The following ZBBX variants were observed in gnomAD, a reference collection of about 807,000 sequenced individuals.
ZBBX encodes the protein zinc finger B-box domain-containing protein 1.
A neutral mutation model predicts 108.5 loss-of-function variants in ZBBX; 101 were observed. The ratio of observed to expected loss-of-function variants is 0.93; its 90% CI spans 0.79 to 1.10. The LOEUF is 1.10. Among genes scored for constraint, ZBBX ranks in the 50% least tolerant of loss-of-function variants. The probability of loss-of-function intolerance (pLI) is 0.00; values close to 1 mark genes in which losing one functional copy is unlikely to be tolerated. For missense variants in ZBBX, 1,009 were observed against 941.4 expected (o/e 1.07, Z -0.94); for synonymous variants, 356 against 323.4 (o/e 1.10, Z -1.08).
chr3:167,208,189 T>C, the ZBBX span, among the ~76,000 whole-genome samples: 10 of 152,148 alleles, frequency 6.6e-5, no homozygotes, highest in African/African-American at 2.4e-4. Flanking sequence ...AGCCACTGTG[T>C]GTTAAAGTGC....
intron 20 of ZBBX, among the ~76,000 whole-genome samples, chr3:167,255,674 G>A (rs1487180001): frequency 6.6e-6 from 1 of 151,462 alleles, no homozygotes; most frequent in Non-Finnish European, 1.5e-5. Context: ...TTTAATTTTT[G>A]TGAGTACAAA....
At chr3:167,230,278 G>T in the ZBBX span, among the ~76,000 whole-genome samples, 7 of 151,736 alleles carry the variant, frequency 4.6e-5, no homozygotes, top group African/African-American at 1.7e-4. Context: ...TCTTTGCAAA[G>T]AAAAACAACA....
In ZBBX at chr3:167,365,888, T is replaced by C. The variant is rs1476658972; in HGVS notation, c.271A>G (p.Lys91Glu). 3.1e-6 allele frequency: 5 copies of C among 1,603,584 alleles called. No homozygotes were observed. The highest frequency in any genetic ancestry group is 2.2e-5 in the East Asian group (1 of 44,608). The change falls in exon 6 of 22, where the codon AAG becomes GAG. Residue 91 changes from lysine (K) to glutamate (E), a missense_variant and splice_region_variant. Lys to Glu is a moderately conservative substitution (Grantham distance 56, BLOSUM62 1). Coordinates refer to ENST00000675490, the MANE Select transcript of ZBBX (RefSeq NM_001199201.2). ...AGAATCAAATAGTATCTTCTTACCT[T>C]AACAACATTTCCTTTATTTTGTGAC... ...MMSQNKGNVV[K>E]FSAGKVKLKL...
At chr3:167,316,264 A>T (rs951653450) in intron 14 of ZBBX, among the ~76,000 whole-genome samples, 2 of 152,258 alleles carry the variant, frequency 1.3e-5, no homozygotes, top group African/African-American at 4.8e-5. Flanking sequence ...TAGCCAAAAA[A>T]CACAAATAAC....
chr3:167,255,409 G>T (rs1723327802), intron 20 of ZBBX, among the ~76,000 whole-genome samples: 1 of 151,464 alleles, frequency 6.6e-6, no homozygotes, highest in Non-Finnish European at 1.5e-5. Flanking sequence ...AGAAAATGCT[G>T]GTACTAAACA....
At chr3:167,259,391 T>C (rs1724068364) in intron 20 of ZBBX, among the ~76,000 whole-genome samples, 1 of 152,178 alleles carries the variant, frequency 6.6e-6, no homozygotes, top group Non-Finnish European at 1.5e-5. Context: ...GTTAATGGTC[T>C]ATCAATTTTA....
intron 20 of ZBBX, among the ~76,000 whole-genome samples, chr3:167,272,238 C>T (rs1325935178): frequency 2.0e-5 from 3 of 152,164 alleles, no homozygotes; most frequent in Non-Finnish European, 4.4e-5. Context: ...ACTCCACTAC[C>T]TATATCCCTA....
chr3:167,261,649 C>T (rs1462939050), intron 20 of ZBBX, among the ~76,000 whole-genome samples: 1 of 151,806 alleles, frequency 6.6e-6, no homozygotes, highest in Non-Finnish European at 1.5e-5. Flanking sequence ...AGCTCCCACA[C>T]AAACTGAAGG....
rs1739740805 is a variant in ZBBX, at chr3:167,337,405, G to C, written c.529-3420C>G. On this transcript the variant is annotated intron_variant, in intron 9 of 21. Transcript: ENST00000675490. ...CTGGTGTTGCATGCCTGTAGTCTCA[G>C]CTATTCGGGAGGATGAGGCAGGAGA... is the stretch of plus-strand genomic sequence containing the variant. 2.0e-5 allele frequency among the ~76,000 whole-genome samples: 3 copies of C among 152,046 alleles called. No homozygotes were observed. The South Asian group carries it at 6.2e-4, about 32-fold the overall frequency.
At chr3:167,282,706 A>G (rs1002505611) in intron 19 of ZBBX, 1 of 453,332 alleles carries the variant, frequency 2.2e-6, no homozygotes, top group African/African-American at 2.0e-5. Flanking sequence ...ACTTCTGTGT[A>G]TTTTTTTCCT....
In ZBBX at chr3:167,315,812, A is replaced by G. The variant is rs1418162923; in HGVS notation, c.1212T>C (p.Phe404=). 3 of 1,604,068 alleles carry G rather than the reference A, an allele frequency of 1.9e-6. No homozygotes were observed. The highest frequency in any genetic ancestry group is 2.6e-6 in the Non-Finnish European group (3 of 1,173,678). Reference sequence around the variant, plus strand: ...AAGGCACAATATTTTCTGCTTCTTCAAATTCCTCTTCATAAGTCTTATTAA... The same window carrying G: ...AAGGCACAATATTTTCTGCTTCTTCGAATTCCTCTTCATAAGTCTTATTAA... ...VELDDTYEEE[F]EEAENIVPYK... The change falls in exon 15 of 22, where the codon TTT becomes TTC. Residue 404 remains phenylalanine (F), a synonymous_variant. Coordinates refer to ENST00000675490, the MANE Select transcript of ZBBX (RefSeq NM_001199201.2).
At chr3:167,348,660 G>C (rs998185202) in intron 9 of ZBBX, among the ~76,000 whole-genome samples, 3 of 152,114 alleles carry the variant, frequency 2.0e-5, no homozygotes, top group African/African-American at 7.2e-5. Context: ...AGGGAGTAGA[G>C]AGAGTCTGTA....
At chr3:167,285,307 G>T (rs1374844645) in intron 19 of ZBBX, among the ~76,000 whole-genome samples, 2 of 152,026 alleles carry the variant, frequency 1.3e-5, no homozygotes, top group Non-Finnish European at 2.9e-5. Flanking sequence ...TAGATGAAAT[G>T]TAACTATAGC....
At chr3:167,301,805 A>C (rs1255455538) in intron 17 of ZBBX, among the ~76,000 whole-genome samples, 1 of 151,880 alleles carries the variant, frequency 6.6e-6, no homozygotes, top group Non-Finnish European at 1.5e-5. Flanking sequence ...AAAATACAAA[A>C]CGTTAGCCAG....
intron 20 of ZBBX, among the ~76,000 whole-genome samples, chr3:167,276,046 C>T (rs1187150404): frequency 6.6e-6 from 1 of 152,074 alleles, no homozygotes; most frequent in African/African-American, 2.4e-5. Flanking sequence ...CCGGGTACTC[C>T]AACAGACCTG....
intron 11 of ZBBX, among the ~76,000 whole-genome samples, chr3:167,323,706 G>A (rs550829226): frequency 6.6e-6 from 1 of 152,182 alleles, no homozygotes; most frequent in Admixed American, 6.6e-5. Flanking sequence ...TCAAATTGAT[G>A]GGATCATGGG....
chr3:167,198,955 A>C, the ZBBX span, among the ~76,000 whole-genome samples: 2 of 152,342 alleles, frequency 1.3e-5, no homozygotes, highest in African/African-American at 4.8e-5. Flanking sequence ...ATTTTAAAAC[A>C]TAAAGTTTTA....
the ZBBX span, among the ~76,000 whole-genome samples, chr3:167,228,715 AT>A: frequency 1.3e-5 from 2 of 151,834 alleles, no homozygotes; most frequent in Non-Finnish European, 2.9e-5. Context: ...GTAGTTAAAT[AT>A]TTCTGAAACA....
chr3:167,373,962 C>T (rs1260371890), intron 2 of ZBBX, among the ~76,000 whole-genome samples, 175 bp from the exon 3 acceptor site: 2 of 152,112 alleles, frequency 1.3e-5, no homozygotes, highest in Non-Finnish European at 2.9e-5. Context: ...GGGAAATAGT[C>T]AACTAAAAGT....
Sources: gnomAD v4.1 joint callset for allele counts (sites outside exome capture counted in the v4.1 genomes callset) on GRCh38, gnomAD v4.1.1 for gene constraint, MANE v1.5 for transcripts, NCBI Gene and HGNC (gene_info 2026-07-23, HGNC 2026-07-21) for gene names.